Variants in VAV3 observed in about 807,000 individuals in gnomAD.
The protein encoded by VAV3 is guanine nucleotide exchange factor VAV3.
A neutral mutation model predicts 131.2 loss-of-function variants in VAV3; 94 were observed. The ratio of observed to expected loss-of-function variants is 0.72; its 90% CI spans 0.61 to 0.85. The LOEUF (loss-of-function observed/expected upper bound fraction) is 0.85. VAV3 is among the 40% of genes least tolerant of loss of function. VAV3 has a pLI of 0.00. For missense variants in VAV3, 939 were observed against 1,002.7 expected, an observed-to-expected ratio of 0.94 and a Z score of 0.86; for synonymous variants, 349 against 342.0, an observed-to-expected ratio of 1.02 and a Z score of -0.22.
At chr1:107,832,469 C>G (rs979616567) in intron 2 of VAV3, among the ~76,000 whole-genome samples, 2 of 152,206 alleles carry the variant, frequency 1.3e-5, no homozygotes, top group South Asian at 4.1e-4. Flanking sequence ...TCACAGCAAT[C>G]CAAAAGGCAG....
chr1:107,710,231 T>C (rs1660706056), intron 15 of VAV3, among the ~76,000 whole-genome samples: 1 of 152,178 alleles, frequency 6.6e-6, no homozygotes, highest in African/African-American at 2.4e-5. Context: ...TGCTGTCTCA[T>C]GCTCTATCAG....
At chr1:107,764,118 CATG>C (rs1664599293) in intron 9 of VAV3, among the ~76,000 whole-genome samples, 1 of 148,390 alleles carries the variant, frequency 6.7e-6, no homozygotes, top group Non-Finnish European at 1.5e-5. Context: ...AAAAAAAAAA[CATG>C]ATGTACAAAA....
chr1:107,604,883 T>G (rs1053514472), intron 22 of VAV3, among the ~76,000 whole-genome samples: 1 of 152,206 alleles, frequency 6.6e-6, no homozygotes, highest in East Asian at 1.9e-4. Context: ...GTACCTATTT[T>G]TTATTTCTAC....
intron 2 of VAV3, among the ~76,000 whole-genome samples, chr1:107,817,838 T>G (rs1041401225): frequency 2.0e-5 from 3 of 152,072 alleles, no homozygotes; most frequent in Admixed American, 6.5e-5. Context: ...AAGAAACTCA[T>G]AGTAGACAAG....
At chr1:107,790,271 CTGTT>C (rs1363733952) in intron 2 of VAV3, among the ~76,000 whole-genome samples, 1 of 152,226 alleles carries the variant, frequency 6.6e-6, no homozygotes, top group Non-Finnish European at 1.5e-5. Context: ...CACACATCAA[CTGTT>C]TGATTATTTT....
intron 10 of VAV3, among the ~76,000 whole-genome samples, chr1:107,758,772 A>T (rs984767614): frequency 7.9e-5 from 12 of 152,282 alleles, no homozygotes; most frequent in African/African-American, 2.9e-4. Context: ...ACTCCTCATG[A>T]TCTGAATTCT....
chr1:107,882,844 G>A (rs1484398640), intron 1 of VAV3, among the ~76,000 whole-genome samples: 2 of 152,028 alleles, frequency 1.3e-5, no homozygotes. Flanking sequence ...GCTACATGTG[G>A]TATCAGTTTA....
rs1444517959 is a variant in VAV3, at chr1:107,964,978, C to T, written c.-109G>A. On this transcript the variant is annotated 5_prime_UTR_variant, in exon 1 of 27. Coordinates refer to ENST00000370056, the MANE Select transcript of VAV3 (RefSeq NM_006113.5). The stretch of plus-strand genomic sequence containing the variant: ...CCCGCCGACGCCAACAGCCGCCGGC[C>T]CTTTCCCCGCGCGGGATCGAGGGAG... 17 of 966,460 alleles carry T rather than the reference C, an allele frequency of 1.8e-5. No homozygotes were observed. Among genetic ancestry groups the T allele is most frequent in the Non-Finnish European group, 2.1e-5 (16 of 765,612 alleles). The allele number at this position is 966,460 out of a possible 1,614,324, so 59.9% of individuals were successfully genotyped here. A position where few individuals can be genotyped will look rare whatever the true frequency, so the allele number is the denominator to read the frequency against.
chr1:107,686,594 G>T (rs995472181), intron 18 of VAV3, among the ~76,000 whole-genome samples: 6 of 152,046 alleles, frequency 3.9e-5, no homozygotes, highest in African/African-American at 9.7e-5. Context: ...GTTTCCAAAT[G>T]GATTGACTAG....
At position 107,760,857 on chromosome 1, in the gene VAV3, T is replaced by C; in HGVS notation, c.944A>G (p.Asn315Ser). ...KLEECSKRAN[N>S]GKFTLRDLLV... ...CAAGTCTCGAAGAGTAAATTTCCCA[T>C]TATTTGCTCTTTTGGAACATTCCTA... The change falls in exon 10 of 27, where the codon AAT (asparagine) becomes AGT (serine). Residue 315 changes from asparagine (N) to serine (S), a missense_variant. By Grantham distance (46) the Asn-to-Ser change is conservative. Coordinates refer to ENST00000370056, the MANE Select transcript of VAV3 (RefSeq NM_006113.5). The C allele has an allele frequency of 1.2e-6, 2 of 1,613,662 alleles. No individual in the cohort carries two copies. Among genetic ancestry groups the C allele is most frequent in the Non-Finnish European group, 1.7e-6 (2 of 1,179,682 alleles).
intron 25 of VAV3, among the ~76,000 whole-genome samples, chr1:107,574,827 A>T (rs527539442): frequency 7.9e-5 from 12 of 152,320 alleles, no homozygotes; most frequent in Admixed American, 2.0e-4. Flanking sequence ...CAGGTCTCAG[A>T]GAAGGAACAC....
At chr1:107,851,611 G>A (rs1443056653) in intron 2 of VAV3, among the ~76,000 whole-genome samples, 2 of 152,126 alleles carry the variant, frequency 1.3e-5, no homozygotes, top group Non-Finnish European at 2.9e-5. Flanking sequence ...TACACAGGAA[G>A]TCAAAGGGAA....
chr1:107,778,690 C>T (rs1314548184), intron 3 of VAV3, among the ~76,000 whole-genome samples: 4 of 152,002 alleles, frequency 2.6e-5, no homozygotes, highest in South Asian at 2.1e-4. Flanking sequence ...CTGTGATGGC[C>T]AGAGACAGAA....
chr1:107,847,836 G>A (rs185117203), intron 2 of VAV3, among the ~76,000 whole-genome samples: 1 of 152,236 alleles, frequency 6.6e-6, no homozygotes, highest in East Asian at 1.9e-4. Flanking sequence ...AATTCTACCA[G>A]AGGTACAAAG....
At chr1:107,781,397 G>A (rs191997489) in intron 2 of VAV3, among the ~76,000 whole-genome samples, 77 of 152,112 alleles carry the variant, frequency 5.1e-4, no homozygotes, top group Admixed American at 1.0e-3. Context: ...CATTTTAAGC[G>A]TTCTCACCAC....
intron 2 of VAV3, among the ~76,000 whole-genome samples, chr1:107,848,458 G>A (rs1035913222): frequency 6.6e-5 from 10 of 151,938 alleles, no homozygotes; most frequent in African/African-American, 2.4e-4. Flanking sequence ...CACATAAACA[G>A]AACCAATGAC....
At chr1:107,609,848 G>T in intron 22 of VAV3, 83 bp downstream of exon 22, 1 of 1,379,460 alleles carries the variant, frequency 7.2e-7, no homozygotes, top group Non-Finnish European at 1.0e-6. Flanking sequence ...ATGGAATATG[G>T]TTTACTACCC....
chr1:107,883,244 C>G (rs965924307), intron 1 of VAV3, among the ~76,000 whole-genome samples: 1 of 152,136 alleles, frequency 6.6e-6, no homozygotes, highest in Admixed American at 6.6e-5. Flanking sequence ...CACATGCACC[C>G]TCTTTGCTCT....
intron 19 of VAV3, among the ~76,000 whole-genome samples, chr1:107,669,821 T>C (rs893160049): frequency 6.6e-6 from 1 of 152,138 alleles, no homozygotes; most frequent in Admixed American, 6.5e-5. Flanking sequence ...TTCCAGTGAA[T>C]GGTAATAAAA....
Sources: gnomAD v4.1 joint callset for allele counts (sites outside exome capture counted in the v4.1 genomes callset) on GRCh38, gnomAD v4.1.1 for gene constraint, MANE v1.5 for transcripts, NCBI Gene and HGNC (gene_info 2026-07-23, HGNC 2026-07-21) for gene names.